The following OTX1 variants were observed in gnomAD, a reference collection of about 807,000 sequenced individuals.
OTX1 encodes homeobox protein OTX1.
A neutral mutation model predicts 26.7 loss-of-function variants in OTX1; 7 were observed. That is an observed-to-expected ratio of 0.26 (90% CI 0.15 to 0.49). OTX1 has a LOEUF of 0.49. Ranked by LOEUF, OTX1 falls within the 20% of genes least tolerant of loss-of-function variation. OTX1 has a pLI of 0.98. For synonymous variants in OTX1, 216 were observed against 212.8 expected (o/e 1.01, Z -0.13); for missense variants, 414 against 483.8 (o/e 0.86, Z 1.35).
intron 4 of OTX1, among the ~76,000 whole-genome samples, chr2:63,054,506 C>T (rs2062049590): frequency 6.6e-6 from 1 of 152,264 alleles, no homozygotes; most frequent in Admixed American, 6.5e-5. Flanking sequence ...GCCCTGCGGG[C>T]CTGACACTTG....
At chr2:63,053,329 C>A in intron 3 of OTX1, 1 of 435,440 alleles carries the variant, frequency 2.3e-6, no homozygotes, top group Non-Finnish European at 4.0e-6. Context: ...TCACCGGCAA[C>A]CTTTCTCCGG....
chr2:63,055,586 C>T lies in OTX1; in HGVS notation c.335C>T (p.Ser112Phe), dbSNP rs1440912124. The change falls in exon 5 of 5, where the codon TCC becomes TTC. Residue 112 changes from serine (S) to phenylalanine (F), a missense_variant. Transcript: ENST00000282549. The surrounding 1 kb of genome is among the most constrained non-coding windows in gnomAD (Gnocchi z 5.2). ...GTKSRPAKKK[S>F]SPVRESSGSE... ...AAGAGCCGCCCAGCCAAGAAGAAGTCCTCTCCAGTGCGGGAGAGCTCGGGC... is the reference window on the plus strand; with the variant it reads ...AAGAGCCGCCCAGCCAAGAAGAAGTTCTCTCCAGTGCGGGAGAGCTCGGGC... 1.2e-6 allele frequency: 2 copies of T among 1,614,056 alleles called. No individual in the cohort carries two copies. Among genetic ancestry groups the T allele is most frequent in the Admixed American group, 3.3e-5 (2 of 60,014 alleles).
intron 4 of OTX1, among the ~76,000 whole-genome samples, 164 bp downstream of exon 4, chr2:63,054,362 G>C (rs1283895571): frequency 6.6e-6 from 1 of 152,254 alleles, no homozygotes; most frequent in Non-Finnish European, 1.5e-5. Flanking sequence ...CCCCAGCCAG[G>C]AAAGGGGGCA....
intron 3 of OTX1, 161 bp downstream of exon 3, chr2:63,053,248 TG>T (rs1288778673): frequency 5.7e-6 from 3 of 521,950 alleles, no homozygotes; most frequent in African/African-American, 2.0e-5. Context: ...TGCCGGCGCA[TG>T]GGGCAGAGTC....
rs990622772 is a variant in OTX1 at position 63,056,230 on chromosome 2, G to A, written c.979G>A (p.Ala327Thr). 1 of 1,614,056 alleles carries A rather than the reference G, an allele frequency of 6.2e-7. No individual in the cohort carries two copies. The change falls in exon 5 of 5, where the codon GCT (alanine) becomes ACT (threonine). Residue 327 changes from alanine to threonine, a missense_variant. Transcript: ENST00000282549. The stretch of plus-strand genomic sequence containing the variant: ...TTACAAGGAGCCTGGCGCCGCTGCT[G>A]CTTCCTCCGCCTGGAAACTCAACTT... ...LDYKEPGAAA[A>T]SSAWKLNFNS...
At position 63,055,903 on chromosome 2, in the gene OTX1, G is replaced by A. The variant is rs758159437; in HGVS notation, c.652G>A (p.Ala218Thr). 2 of 1,612,436 alleles carry A rather than the reference G, an allele frequency of 1.2e-6. No individual in the cohort carries two copies. Among genetic ancestry groups the A allele is most frequent in the Non-Finnish European group, 1.7e-6 (2 of 1,179,984 alleles). The change falls in exon 5 of 5, where the codon GCA becomes ACA. Residue 218 changes from alanine (A) to threonine (T), a missense_variant. Physicochemically the swap from Ala to Thr is moderately conservative, Grantham distance 58. Transcript: ENST00000282549. This position sits in a 1 kb window ranked among gnomAD's most constrained non-coding sequence, Gnocchi z 5.2. ...CGTAGCTGCAGGCGCCGCCACCGCAGCAGCCTCTTATCCCATGTCCTACGG... is the reference window on the plus strand; with the variant it reads ...CGTAGCTGCAGGCGCCGCCACCGCAACAGCCTCTTATCCCATGTCCTACGG... The part of the protein sequence containing the change: ...RSVAAGAATA[A>T]ASYPMSYGQG...
chr2:63,056,149 C>T lies in OTX1; in HGVS notation c.898C>T (p.His300Tyr). 6.2e-7 allele frequency: 1 copy of T among 1,614,076 alleles called. No individual in the cohort carries two copies. Among genetic ancestry groups the T allele is most frequent in the Non-Finnish European group, 8.5e-7 (1 of 1,180,020 alleles). The change falls in exon 5 of 5, where the codon CAC (histidine) becomes TAC (tyrosine). Residue 300 changes from histidine (H) to tyrosine (Y), a missense_variant. By Grantham distance (83) the His-to-Tyr change is moderately conservative. Around this residue, in one of 3 missense-constraint regions of OTX1, gnomAD observed 320 missense variants for 347.9 expected, o/e 0.92. Transcript: ENST00000282549. Reference protein sequence around the residue: ...SGHHHHHHHHHHQGYGGSGLA... With the variant: ...SGHHHHHHHHYHQGYGGSGLA... ...CCACCACCACCACCATCACCACCAC[C>T]ACCACCAAGGCTACGGTGGCTCTGG... is the stretch of plus-strand genomic sequence containing the variant.
intron 2 of OTX1, chr2:63,051,684 G>A (rs1405153326): frequency 1.3e-5 from 2 of 152,610 alleles, no homozygotes; most frequent in African/African-American, 2.4e-5. Context: ...CCAGGTCTTG[G>A]GTCCCAGAAG....
intron 2 of OTX1, 88 bp from the exon 3 acceptor site, chr2:63,052,792 T>C (rs2062035067): frequency 1.8e-6 from 1 of 556,734 alleles, no homozygotes. Flanking sequence ...CGCAGTTCTG[T>C]AACCTGCCTT....
chr2:63,054,236 G>A (rs1166435842), intron 4 of OTX1, 38 bp downstream of exon 4: 2 of 1,530,710 alleles, frequency 1.3e-6, no homozygotes, highest in Non-Finnish European at 1.8e-6. Flanking sequence ...GGGTAGGGGA[G>A]CTGAGGCTGC....
At chr2:63,052,560 G>T (rs1311560034) in intron 2 of OTX1, among the ~76,000 whole-genome samples, 1 of 152,344 alleles carries the variant, frequency 6.6e-6, no homozygotes, top group Non-Finnish European at 1.5e-5. Flanking sequence ...GCTTCTGCCG[G>T]ATTCAGAATT....
chr2:63,054,294 C>G, intron 4 of OTX1, 96 bp downstream of exon 4: 1 of 1,252,842 alleles, frequency 8.0e-7, no homozygotes, highest in South Asian at 1.9e-5. Flanking sequence ...AGGAGACCAT[C>G]CTGTGGGGGT....
rs759608608 is a variant in OTX1 at position 63,056,082 on chromosome 2, T to C, written c.831T>C (p.His277=). The change falls in exon 5 of 5, where the codon CAT becomes CAC. Residue 277 remains histidine, a synonymous_variant. Transcript: ENST00000282549. Reference sequence around the variant, plus strand: ...CCTCCTCCATGGCGGGCCACCATCATCACCACCCACATGCGCACCACCCGT... The same window carrying C: ...CCTCCTCCATGGCGGGCCACCATCACCACCACCCACATGCGCACCACCCGT... ...MAPSSMAGHH[H]HHPHAHHPLS... 7 of 1,613,674 alleles carry C rather than the reference T, an allele frequency of 4.3e-6. No individual in the cohort carries two copies. The South Asian group carries it at 6.6e-5, about 15-fold the overall frequency.
chr2:63,050,690 G>C (rs1330854733), upstream of OTX1: 1 of 151,480 alleles, frequency 6.6e-6, no homozygotes, highest in Non-Finnish European at 1.5e-5. Context: ...GAGGGCGGGG[G>C]CGCGCGGAGG....
chr2:63,056,340 A>T lies in OTX1; in HGVS notation c.*24A>T. 1 of 1,581,926 alleles carries T rather than the reference A, an allele frequency of 6.3e-7. No homozygotes were observed. The highest frequency in any genetic ancestry group is 1.3e-5 in the African/African-American group (1 of 74,158). ...GAGCCCAGGAATGAAAGAGGAGAAG[A>T]AACGCAACTACCTGCGCCCTCCGTG... On this transcript the variant is annotated 3_prime_UTR_variant, in exon 5 of 5. Coordinates refer to ENST00000282549, the MANE Select transcript of OTX1 (RefSeq NM_014562.4).
At chr2:63,054,823 G>C (rs1046321095) in intron 4 of OTX1, among the ~76,000 whole-genome samples, 2 of 152,188 alleles carry the variant, frequency 1.3e-5, no homozygotes, top group Admixed American at 6.5e-5. Flanking sequence ...TGAGAAGGGG[G>C]ACCAGGAATG....
chr2:63,053,996 C>A, intron 3 of OTX1, 51 bp from the exon 4 acceptor site: 1 of 1,591,100 alleles, frequency 6.3e-7, no homozygotes, highest in Non-Finnish European at 8.6e-7. Context: ...TCCTCTATCG[C>A]GGGTCCACGT....
chr2:63,053,095 C>A lies in OTX1; in HGVS notation c.97+8C>A, dbSNP rs372021286. 16 of 1,547,156 alleles carry A rather than the reference C, an allele frequency of 1.0e-5. No homozygotes were observed. The highest frequency in any genetic ancestry group is 5.8e-5 in the Admixed American group (3 of 52,044). On this transcript the variant is annotated splice_region_variant and intron_variant, in intron 3 of 4. Coordinates refer to ENST00000282549, the MANE Select transcript of OTX1 (RefSeq NM_014562.4). ...CATCCGTGGGCTATCCGGGTGAGCA[C>A]CAGCCCTCCCGACCCTGCCTCAGCC...
chr2:63,050,795 C>T (rs895304505), upstream of OTX1: 4 of 152,224 alleles, frequency 2.6e-5, no homozygotes, highest in African/African-American at 9.7e-5. Flanking sequence ...GCACTCGCCT[C>T]GCGTTCACAT....
Sources: allele counts gnomAD v4.1 joint callset (sites outside exome capture counted in the v4.1 genomes callset), GRCh38; gene constraint gnomAD v4.1.1; regional missense constraint gnomAD v4.1.1; non-coding constraint Gnocchi (gnomAD v3.1); transcripts MANE v1.5; gene names NCBI Gene and HGNC (gene_info 2026-07-23, HGNC 2026-07-21).